Variants in SCHIP1 observed in about 807,000 individuals in gnomAD.
The protein encoded by SCHIP1 is schwannomin interacting protein 1.
A neutral mutation model predicts 29.7 loss-of-function variants in SCHIP1; 8 were observed. The observed-to-expected ratio is 0.27, with a 90% CI of 0.16 to 0.49. SCHIP1 has a LOEUF of 0.49. SCHIP1 is among the 20% of genes least tolerant of loss of function. SCHIP1 has a pLI of 0.99. For synonymous variants in SCHIP1, 76 were observed against 94.9 expected (o/e 0.80, Z 1.16); for missense variants, 193 against 294.6 (o/e 0.66, Z 2.52).
the SCHIP1 span, among the ~76,000 whole-genome samples, chr3:159,714,414 C>T: frequency 5.3e-4 from 80 of 152,266 alleles, no homozygotes; most frequent in African/African-American, 1.3e-3. Flanking sequence ...GTGCAGCCCA[C>T]GGACCGTAAG....
chr3:159,685,651 A>AG, the SCHIP1 span, among the ~76,000 whole-genome samples: 2 of 152,192 alleles, frequency 1.3e-5, no homozygotes, highest in Non-Finnish European at 2.9e-5. Context: ...GAGCTTTAAA[A>AG]GGAGGAAATG....
the SCHIP1 span, among the ~76,000 whole-genome samples, chr3:159,355,090 G>C: frequency 6.6e-5 from 10 of 152,104 alleles, no homozygotes; most frequent in Non-Finnish European, 1.2e-4. Context: ...GGTAAAGAGA[G>C]ACTTTGAGTC....
chr3:159,417,765 G>A, the SCHIP1 span, among the ~76,000 whole-genome samples: 119 of 152,246 alleles, frequency 7.8e-4, 1 homozygote, highest in South Asian at 0.024. Flanking sequence ...TTGGCTAATG[G>A]GATGTTAGCA....
the SCHIP1 span, among the ~76,000 whole-genome samples, chr3:159,828,256 A>G: frequency 2.6e-5 from 4 of 151,202 alleles, no homozygotes; most frequent in African/African-American, 9.7e-5. Context: ...AAGTGCAGTC[A>G]AGTCCAGAAC....
chr3:159,335,700 T>A, the SCHIP1 span, among the ~76,000 whole-genome samples: 1 of 152,208 alleles, frequency 6.6e-6, no homozygotes, highest in Non-Finnish European at 1.5e-5. Flanking sequence ...TGCATAGTAT[T>A]CCATGGTGTA....
At chr3:159,296,393 A>T in the SCHIP1 span, among the ~76,000 whole-genome samples, 2 of 152,212 alleles carry the variant, frequency 1.3e-5, no homozygotes, top group Non-Finnish European at 2.9e-5. Context: ...TTGTGTACCA[A>T]TTACCAGAGT....
At chr3:159,588,575 T>G in the SCHIP1 span, among the ~76,000 whole-genome samples, 1 of 152,246 alleles carries the variant, frequency 6.6e-6, no homozygotes, top group African/African-American at 2.4e-5. Flanking sequence ...CTAGGTTTTC[T>G]TCTAGGGTTT....
At chr3:159,564,095 CT>C in the SCHIP1 span, among the ~76,000 whole-genome samples, 1 of 152,138 alleles carries the variant, frequency 6.6e-6, no homozygotes, top group African/African-American at 2.4e-5. Flanking sequence ...TAAAACTTTA[CT>C]TTCTTCAACA....
At chr3:159,619,563 G>A in the SCHIP1 span, among the ~76,000 whole-genome samples, 1 of 152,212 alleles carries the variant, frequency 6.6e-6, no homozygotes, top group African/African-American at 2.4e-5. Context: ...GAGGAAAACT[G>A]TCTTAACATC....
chr3:159,396,887 G>A, the SCHIP1 span, among the ~76,000 whole-genome samples: 1 of 151,024 alleles, frequency 6.6e-6, no homozygotes, highest in South Asian at 2.1e-4. Context: ...GACTGGGGAA[G>A]TTCTCCTGAA....
the SCHIP1 span, among the ~76,000 whole-genome samples, chr3:159,338,564 G>A: frequency 6.6e-6 from 1 of 152,080 alleles, no homozygotes; most frequent in East Asian, 1.9e-4. Flanking sequence ...CTTGAGAAGA[G>A]AAGTGATGTG....
chr3:159,776,531 C>G, the SCHIP1 span, among the ~76,000 whole-genome samples: 5 of 152,128 alleles, frequency 3.3e-5, no homozygotes, highest in African/African-American at 7.2e-5. Flanking sequence ...AACCAGTAAT[C>G]TGTTAGAGTT....
chr3:159,867,726 G>A (rs552677642), intron 2 of SCHIP1, among the ~76,000 whole-genome samples: 22 of 152,264 alleles, frequency 1.4e-4, no homozygotes, highest in African/African-American at 5.1e-4. Flanking sequence ...GGAACCTGGA[G>A]ATCTGAGGAT....
chr3:159,665,747 G>A, the SCHIP1 span, among the ~76,000 whole-genome samples: 4 of 152,158 alleles, frequency 2.6e-5, no homozygotes, highest in African/African-American at 7.2e-5. Flanking sequence ...CCAATAGTGT[G>A]AAAAGTTGTC....
At chr3:159,757,606 T>C in the SCHIP1 span, among the ~76,000 whole-genome samples, 1 of 152,218 alleles carries the variant, frequency 6.6e-6, no homozygotes, top group African/African-American at 2.4e-5. Context: ...CTCACCCGCC[T>C]GGCCCCTGGA....
the SCHIP1 span, among the ~76,000 whole-genome samples, chr3:159,720,940 A>G: frequency 6.6e-6 from 1 of 152,216 alleles, no homozygotes; most frequent in African/African-American, 2.4e-5. Context: ...CATTTTTTAA[A>G]TTCATTTTGT....
At chr3:159,615,320 C>A in the SCHIP1 span, among the ~76,000 whole-genome samples, 1 of 152,136 alleles carries the variant, frequency 6.6e-6, no homozygotes, top group African/African-American at 2.4e-5. Flanking sequence ...GAGTGGGAAG[C>A]AATTTGGGAT....
chr3:159,688,014 G>T, the SCHIP1 span, among the ~76,000 whole-genome samples: 1 of 152,206 alleles, frequency 6.6e-6, no homozygotes, highest in African/African-American at 2.4e-5. Flanking sequence ...TAGGCTTTTG[G>T]ATTGGTTCCA....
chr3:159,889,924 A>C (rs367591165), intron 5 of SCHIP1, among the ~76,000 whole-genome samples: 1 of 152,020 alleles, frequency 6.6e-6, no homozygotes, highest in Non-Finnish European at 1.5e-5. Context: ...GTGAAACCCC[A>C]TCTCTATTAA....
Sources: gnomAD v4.1 joint callset for allele counts (sites outside exome capture counted in the v4.1 genomes callset) on GRCh38, gnomAD v4.1.1 for gene constraint, MANE v1.5 for transcripts, NCBI Gene and HGNC (gene_info 2026-07-23, HGNC 2026-07-21) for gene names.